The following DNAJC24 variants were observed in gnomAD, a reference collection of about 807,000 sequenced individuals.
DNAJC24 encodes the protein dnaJ homolog subfamily C member 24.
A neutral mutation model predicts 18.0 loss-of-function variants in DNAJC24; 17 were observed. The observed-to-expected ratio is 0.94, with a 90% confidence interval of 0.65 to 1.42. The LOEUF (loss-of-function observed/expected upper bound fraction) is 1.42. Ranked by LOEUF, DNAJC24 falls within the 40% of genes most tolerant of loss-of-function variation. The pLI is 0.00. For missense variants in DNAJC24, 158 were observed against 175.6 expected, an observed-to-expected ratio of 0.90 and a Z score of 0.57; for synonymous variants, 55 against 57.7, an observed-to-expected ratio of 0.95 and a Z score of 0.21.
At chr11:31,402,538 T>C (rs1952609480) in intron 2 of DNAJC24, among the ~76,000 whole-genome samples, 1 of 152,238 alleles carries the variant, frequency 6.6e-6, no homozygotes, top group Non-Finnish European at 1.5e-5. Context: ...AGACAGGGTC[T>C]TGCTCTGTCA....
At chr11:31,387,047 T>C (rs1290418040) in intron 2 of DNAJC24, among the ~76,000 whole-genome samples, 1 of 152,048 alleles carries the variant, frequency 6.6e-6, no homozygotes, top group Non-Finnish European at 1.5e-5. Context: ...GGGAAAGACA[T>C]TGTCTTGTGG....
chr11:31,410,427 A>T (rs530890118), intron 2 of DNAJC24, among the ~76,000 whole-genome samples: 2 of 152,328 alleles, frequency 1.3e-5, no homozygotes, highest in East Asian at 3.9e-4. Flanking sequence ...GTATTCTGAT[A>T]CAAGTCCTTT....
intron 2 of DNAJC24, chr11:31,408,466 T>C: frequency 4.0e-6 from 1 of 248,170 alleles, no homozygotes; most frequent in Non-Finnish European, 8.0e-6. Flanking sequence ...AGAAAGCACT[T>C]AGACTTAATA....
rs113510980 is a variant in DNAJC24 at position 31,397,808 on chromosome 11, C to CT, written c.112-16991dup. ...AAATTATCTCAGAGGATATGTGTTTCTTTTTTTTTTTTATTTTCCCCCGAG... is the reference window on the plus strand; with the variant it reads ...AAATTATCTCAGAGGATATGTGTTTCTTTTTTTTTTTTTATTTTCCCCCGAG... On this transcript the variant is annotated intron_variant, in intron 2 of 4. Transcript: ENST00000465995. 8.4e-3 allele frequency among the ~76,000 whole-genome samples: 1,218 copies of CT among 144,196 alleles called. 18 individuals are homozygous for CT. Among genetic ancestry groups the CT allele is most frequent in the African/African-American group, 0.028 (1,127 of 39,640 alleles). 94.6% of individuals were successfully genotyped at this position (144,196 alleles called of 152,430 possible).
Position 31,431,840 on chromosome 11 carries a change from A to T in DNAJC24, c.*1439A>T, listed in dbSNP as rs569155562. 1.9e-4 allele frequency: 29 copies of T among 152,126 alleles called. No individual in the cohort carries two copies. Among genetic ancestry groups the T allele is most frequent in the African/African-American group, 6.5e-4 (27 of 41,526 alleles). The allele number at this position is 152,126 out of a possible 1,614,324, so 9.4% of individuals were successfully genotyped here. The stretch of plus-strand genomic sequence containing the variant: ...AAAAAAATAAAATAAAATAAATAAA[A>T]AAAGATATAGTATTAATGCCTGTAT... On this transcript the variant is annotated 3_prime_UTR_variant, in exon 5 of 5. Transcript: ENST00000465995.
intron 3 of DNAJC24, among the ~76,000 whole-genome samples, chr11:31,418,100 G>A (rs117267223): frequency 2.0e-5 from 3 of 152,016 alleles, no homozygotes; most frequent in Non-Finnish European, 4.4e-5. Context: ...TATACATTTC[G>A]AAAGCAATGT....
rs893674892 is a variant in DNAJC24 at position 31,432,323 on chromosome 11, A to G, written c.*1922A>G. ...ACTTTTTTGGGTTACATTTTTATCC[A>G]TATATTTTGAACTAACAGAACTTGG... On this transcript the variant is annotated 3_prime_UTR_variant, in exon 5 of 5. Coordinates refer to ENST00000465995, the MANE Select transcript of DNAJC24 (RefSeq NM_181706.5). The G allele has an allele frequency of 7.7e-6, 4 of 516,554 alleles. No homozygotes were observed. Among genetic ancestry groups the G allele is most frequent in the African/African-American group, 5.8e-5 (3 of 51,394 alleles). 32.0% of individuals were successfully genotyped at this position (516,554 alleles called of 1,614,324 possible). A position where few individuals can be genotyped will look rare whatever the true frequency, so the allele number is the denominator to read the frequency against.
At chr11:31,423,267 T>A (rs1043038617) in intron 3 of DNAJC24, among the ~76,000 whole-genome samples, 7 of 152,162 alleles carry the variant, frequency 4.6e-5, no homozygotes, top group Admixed American at 1.3e-4. Context: ...TTTGTTTTTG[T>A]TTTTTGTTTT....
intron 2 of DNAJC24, among the ~76,000 whole-genome samples, chr11:31,400,183 C>G (rs1221507418): frequency 1.3e-5 from 2 of 152,080 alleles, no homozygotes; most frequent in Non-Finnish European, 2.9e-5. Context: ...TGGGTTGGTT[C>G]AAGTCTTTGC....
intron 2 of DNAJC24, among the ~76,000 whole-genome samples, chr11:31,403,353 C>T (rs1242529504): frequency 6.6e-6 from 1 of 152,072 alleles, no homozygotes; most frequent in African/African-American, 2.4e-5. Flanking sequence ...GACCCAACCT[C>T]CTCTATGGCT....
chr11:31,429,326 T>C lies in DNAJC24; in HGVS notation c.320-945T>C, dbSNP rs1952895841. Reference sequence around the variant, plus strand: ...GTACAAGGCAGTGGAATTTTTCTTTTTTAAACTACATATGATGCGATCTAA... The same window carrying C: ...GTACAAGGCAGTGGAATTTTTCTTTCTTAAACTACATATGATGCGATCTAA... On this transcript the variant is annotated intron_variant, in intron 4 of 4. Transcript: ENST00000465995. 2.6e-5 allele frequency among the ~76,000 whole-genome samples: 4 copies of C among 152,282 alleles called. No individual in the cohort carries two copies. The South Asian group carries it at 8.3e-4, about 32-fold the overall frequency.
chr11:31,429,133 A>G (rs1301806016), intron 4 of DNAJC24, among the ~76,000 whole-genome samples: 2 of 152,094 alleles, frequency 1.3e-5, no homozygotes, highest in East Asian at 3.8e-4. Context: ...TTGGAATTCA[A>G]GATTAAATTA....
intron 4 of DNAJC24, chr11:31,427,744 A>G (rs1952876744): frequency 6.6e-6 from 1 of 152,016 alleles, no homozygotes; most frequent in South Asian, 2.1e-4. Flanking sequence ...TATTTTGTTT[A>G]TGACTGTGAA....
intron 3 of DNAJC24, among the ~76,000 whole-genome samples, chr11:31,425,334 G>A (rs1030683662): frequency 2.0e-5 from 3 of 152,170 alleles, no homozygotes; most frequent in Non-Finnish European, 4.4e-5. Context: ...CATTTGGATA[G>A]AGCATTATTT....
chr11:31,429,812 T>C (rs1432816895), intron 4 of DNAJC24: 1 of 159,566 alleles, frequency 6.3e-6, no homozygotes, highest in African/African-American at 2.4e-5. Context: ...TTGCATTTGA[T>C]AAATAGTCTG....
intron 2 of DNAJC24, among the ~76,000 whole-genome samples, chr11:31,388,250 T>C (rs1165793349): frequency 6.6e-6 from 1 of 151,986 alleles, no homozygotes; most frequent in Admixed American, 6.6e-5. Context: ...ATATCAATAT[T>C]CAAGTACAAG....
At chr11:31,406,848 C>G (rs983631717) in intron 2 of DNAJC24, among the ~76,000 whole-genome samples, 4 of 151,766 alleles carry the variant, frequency 2.6e-5, no homozygotes, top group Admixed American at 2.6e-4. Context: ...AGAGGGGTTA[C>G]CCTAATATTG....
At chr11:31,396,918 T>C (rs1414857775) in intron 2 of DNAJC24, among the ~76,000 whole-genome samples, 3 of 152,166 alleles carry the variant, frequency 2.0e-5, no homozygotes, top group Non-Finnish European at 4.4e-5. Flanking sequence ...ATACCCATTT[T>C]AGTACTTTCT....
rs139678308 is a variant in DNAJC24 at position 31,432,172 on chromosome 11, A to C, written c.*1771A>C. ...ACTCTGACTTGTAAATGTAGCTGCT[A>C]AAGTATGAGGTATATTTAAGAAGAA... On this transcript the variant is annotated 3_prime_UTR_variant, in exon 5 of 5. Coordinates refer to ENST00000465995, the MANE Select transcript of DNAJC24 (RefSeq NM_181706.5). Among the ~76,000 whole-genome samples, 1 of 152,200 alleles carries C rather than the reference A, an allele frequency of 6.6e-6. No individual in the cohort carries two copies. The highest frequency in any genetic ancestry group is 6.5e-5 in the Admixed American group (1 of 15,274).
Sources: allele counts gnomAD v4.1 joint callset (sites outside exome capture counted in the v4.1 genomes callset), GRCh38; gene constraint gnomAD v4.1.1; transcripts MANE v1.5; gene names NCBI Gene and HGNC (gene_info 2026-07-23, HGNC 2026-07-21).